CEP152: variants seen among roughly 807,000 people sequenced by gnomAD.
CEP152 encodes the protein centrosomal protein of 152 kDa.
In CEP152, 132 loss-of-function variants were observed where a neutral mutation model predicts 188.9. That is an observed-to-expected ratio of 0.70 (90% CI 0.61 to 0.81). The LOEUF (loss-of-function observed/expected upper bound fraction) is 0.81, where lower values mean the gene tolerates loss of function less well. Among genes scored for constraint, CEP152 ranks in the 30% least tolerant of loss-of-function variants. The pLI is 0.00. For missense variants in CEP152, 1,914 were observed against 1,969.8 expected, an observed-to-expected ratio of 0.97 and a Z score of 0.54; for synonymous variants, 649 against 666.6, an observed-to-expected ratio of 0.97 and a Z score of 0.41.
At position 48,756,182 on chromosome 15, in the gene CEP152, C is replaced by G. The variant is rs1894244260; in HGVS notation, c.3066G>C (p.Gln1022His). Residue 1022 changes from glutamine to histidine, a missense_variant, in exon 20 of 27, where the codon CAG becomes CAC. Coordinates refer to ENST00000380950, the MANE Select transcript of CEP152 (RefSeq NM_001194998.2). The stretch of plus-strand genomic sequence containing the variant: ...CCTGCATAGTCCATTCTCTACGACT[C>G]TGGTCTAGACAAGTTTGTAATTCTG... ...KETELQTCLD[Q>H]SRREWTMQEA... The G allele has an allele frequency of 6.2e-7, 1 of 1,613,894 alleles. No homozygotes were observed. The highest frequency in any genetic ancestry group is 1.7e-5 in the Admixed American group (1 of 59,990).
chr15:48,781,107 A>C (rs1440372335), intron 12 of CEP152, 89 bp downstream of exon 12: 36 of 1,143,740 alleles, frequency 3.1e-5, no homozygotes, highest in Non-Finnish European at 4.5e-5. Flanking sequence ...TATGAAAATA[A>C]TACGCTCTCA....
At chr15:48,737,357 G>C (rs749516133), downstream of CEP152, among the ~76,000 whole-genome samples, 2 of 152,120 alleles carry the variant, frequency 1.3e-5, no homozygotes, top group Non-Finnish European at 2.9e-5. Flanking sequence ...CCCATCGCTA[G>C]GGATCTGAAA....
chr15:48,765,117 T>C lies in CEP152; in HGVS notation c.2280+1943A>G, dbSNP rs1894964815. On this transcript the variant is annotated intron_variant, in intron 17 of 26. Coordinates refer to ENST00000380950, the MANE Select transcript of CEP152 (RefSeq NM_001194998.2). ...ACTACTAAGGGCTTATATAATTCTATAGTAAAAAACTAATGAATTCCCAGA... is the reference window on the plus strand; with the variant it reads ...ACTACTAAGGGCTTATATAATTCTACAGTAAAAAACTAATGAATTCCCAGA... Among the ~76,000 whole-genome samples the C allele has an allele frequency of 3.3e-5, 5 of 152,174 alleles. 1 individual carries two copies. In the South Asian group the frequency reaches 1.0e-3, roughly 31 times the overall value.
chr15:48,730,980 C>A (rs556075369), intron 2 of CEP152, among the ~76,000 whole-genome samples: 2 of 152,172 alleles, frequency 1.3e-5, no homozygotes, highest in Non-Finnish European at 2.9e-5. Context: ...TGATTTATAT[C>A]AAAGAAAAAA....
At chr15:48,801,857 G>A (rs1897685192) in intron 2 of CEP152, among the ~76,000 whole-genome samples, 1 of 152,196 alleles carries the variant, frequency 6.6e-6, no homozygotes, top group Non-Finnish European at 1.5e-5. Flanking sequence ...ACTTTGGGAG[G>A]CCGAGGCAGT....
At chr15:48,755,864 C>T in intron 20 of CEP152, 39 bp downstream of exon 20, 1 of 1,611,476 alleles carries the variant, frequency 6.2e-7, no homozygotes, top group Non-Finnish European at 8.5e-7. Context: ...TATAATCATT[C>T]TTGGTGTTCA....
At position 48,796,078 on chromosome 15, in the gene CEP152, G is replaced by T. The variant is rs746786206; in HGVS notation, c.623C>A (p.Pro208Gln). Residue 208 changes from proline (P) to glutamine (Q), a missense_variant, in exon 6 of 27, where the codon CCA becomes CAA. Pro to Gln is a moderately conservative substitution (Grantham distance 76). Coordinates refer to ENST00000380950, the MANE Select transcript of CEP152 (RefSeq NM_001194998.2). ...GTCACTTCCTGTTATCTCCTGGGCT[G>T]GTGAGCCATTATTCTGGGCAGAAGA... ...YQSSAQNNGS[P>Q]AQEITGSDTF... The T allele has an allele frequency of 1.2e-6, 2 of 1,613,688 alleles. No homozygotes were observed. The highest frequency in any genetic ancestry group is 2.7e-5 in the African/African-American group (2 of 74,858).
chr15:48,738,007 T>G lies in CEP152; in HGVS notation c.*242A>C. Reference sequence around the variant, plus strand: ...GTGAGTCAATTTATAAGTATAAAAATAGATGGTTTAGAAACCAAAAATAAG... The same window carrying G: ...GTGAGTCAATTTATAAGTATAAAAAGAGATGGTTTAGAAACCAAAAATAAG... On this transcript the variant is annotated 3_prime_UTR_variant, in exon 27 of 27. Transcript: ENST00000380950. The G allele has an allele frequency of 2.2e-6, 1 of 453,510 alleles. No homozygotes were observed. The highest frequency in any genetic ancestry group is 3.9e-6 in the Non-Finnish European group (1 of 256,870). 28.1% of individuals were successfully genotyped at this position (453,510 alleles called of 1,614,324 possible).
intron 15 of CEP152, 45 bp downstream of exon 15, chr15:48,768,173 GA>G: frequency 9.2e-7 from 1 of 1,092,726 alleles, no homozygotes; most frequent in Non-Finnish European, 1.4e-6. Flanking sequence ...ACTTAGAGGG[GA>G]AGGGTACCCA....
At chr15:48,743,145 G>A (rs562440284) in intron 24 of CEP152, among the ~76,000 whole-genome samples, 21 of 152,264 alleles carry the variant, frequency 1.4e-4, no homozygotes, top group Middle Eastern at 3.4e-3. Flanking sequence ...AAAAAGTTGC[G>A]TTGCTTGTAG....
intron 2 of CEP152, among the ~76,000 whole-genome samples, chr15:48,798,792 AAATT>A (rs1207655333): frequency 7.2e-5 from 11 of 152,204 alleles, no homozygotes; most frequent in Non-Finnish European, 1.6e-4. Context: ...TAGATAGACA[AAATT>A]AATTCATTCA....
chr15:48,737,954 G>A lies in CEP152; in HGVS notation c.*295C>T. 3.6e-6 allele frequency: 1 copy of A among 274,180 alleles called. No homozygotes were observed. Among genetic ancestry groups the A allele is most frequent in the Non-Finnish European group, 6.9e-6 (1 of 145,684 alleles). 17.0% of individuals were successfully genotyped at this position (274,180 alleles called of 1,614,324 possible). On this transcript the variant is annotated 3_prime_UTR_variant, in exon 27 of 27. Coordinates refer to ENST00000380950, the MANE Select transcript of CEP152 (RefSeq NM_001194998.2). ...TAACAATTCTACAGACCATATGCAAGTTTATTTAAATAAGTTAACACTGCA... is the reference window on the plus strand; with the variant it reads ...TAACAATTCTACAGACCATATGCAAATTTATTTAAATAAGTTAACACTGCA...
rs1341182374 is a variant in CEP152, at chr15:48,767,192, C to T, written c.2148G>A (p.Arg716=). ...CCTTATTCAACTTATCCAACTCAGA[C>T]CTTGGATACACAAAACCAGCAACTA... ...EAYERTHLQL[R]SELDKLNKEV... Residue 716 remains arginine (R), a splice_region_variant and synonymous_variant, in exon 17 of 27, where the codon AGG becomes AGA. Coordinates refer to ENST00000380950, the MANE Select transcript of CEP152 (RefSeq NM_001194998.2). 6.2e-7 allele frequency: 1 copy of T among 1,613,670 alleles called. No homozygotes were observed. Among genetic ancestry groups the T allele is most frequent in the Non-Finnish European group, 8.5e-7 (1 of 1,180,028 alleles).
intron 22 of CEP152, among the ~76,000 whole-genome samples, chr15:48,746,754 G>C (rs752291636): frequency 6.6e-6 from 1 of 152,134 alleles, no homozygotes; most frequent in Non-Finnish European, 1.5e-5. Flanking sequence ...CCAAAGGGAA[G>C]TACAGACAGC....
chr15:48,773,094 A>AT (rs1358567591), intron 12 of CEP152, among the ~76,000 whole-genome samples: 7 of 152,168 alleles, frequency 4.6e-5, no homozygotes, highest in Non-Finnish European at 7.4e-5. Flanking sequence ...AATTTCTGTT[A>AT]TTTTTTTCAA....
chr15:48,795,220 A>T (rs1011577091), intron 6 of CEP152, among the ~76,000 whole-genome samples: 1 of 152,294 alleles, frequency 6.6e-6, no homozygotes, highest in Non-Finnish European at 1.5e-5. Context: ...TCATCTCAGA[A>T]TTCTCTAGTA....
chr15:48,797,700 G>C lies in CEP152; in HGVS notation c.222C>G (p.Ser74Arg). Residue 74 changes from serine (S) to arginine (R), a missense_variant, in exon 4 of 27, where the codon AGC (serine) becomes AGG (arginine). Coordinates refer to ENST00000380950, the MANE Select transcript of CEP152 (RefSeq NM_001194998.2). Reference protein sequence around the residue: ...QPHHPEQLEMSWNEQMLPKSQ... With the variant: ...QPHHPEQLEMRWNEQMLPKSQ... Reference sequence around the variant, plus strand: ...ATTTGGGCAGCATTTGCTCATTCCAGCTCATCTCCAATTGCTCAGGATGAT... The same window carrying C: ...ATTTGGGCAGCATTTGCTCATTCCACCTCATCTCCAATTGCTCAGGATGAT... The C allele has an allele frequency of 6.2e-7, 1 of 1,614,036 alleles. No individual in the cohort carries two copies. Among genetic ancestry groups the C allele is most frequent in the Non-Finnish European group, 8.5e-7 (1 of 1,180,004 alleles).
intron 9 of CEP152, among the ~76,000 whole-genome samples, chr15:48,786,314 A>C (rs544009046): frequency 2.6e-5 from 4 of 152,232 alleles, no homozygotes; most frequent in South Asian, 4.1e-4. Flanking sequence ...TTGGAGGAAC[A>C]CTATGAGCTC....
chr15:48,800,408 C>T (rs943070988), intron 2 of CEP152, among the ~76,000 whole-genome samples: 6 of 152,114 alleles, frequency 3.9e-5, no homozygotes. Flanking sequence ...AACAAAATTC[C>T]ACCTCCAGTG....
Sources: allele counts gnomAD v4.1 joint callset (sites outside exome capture counted in the v4.1 genomes callset), GRCh38; gene constraint gnomAD v4.1.1; transcripts MANE v1.5; gene names NCBI Gene and HGNC (gene_info 2026-07-23, HGNC 2026-07-21).